The following SERPINB10 variants were observed in gnomAD, a reference collection of about 807,000 sequenced individuals.
SERPINB10 encodes the protein serpin B10.
Under a neutral mutation model 39.1 loss-of-function variants are expected in SERPINB10, and 35 were observed. That is an observed-to-expected ratio of 0.90 (90% confidence interval 0.68 to 1.19). The LOEUF (loss-of-function observed/expected upper bound fraction) is 1.19, where lower values mean the gene tolerates loss of function less well. Ranked by LOEUF, SERPINB10 falls within the 50% of genes most tolerant of loss-of-function variation. The probability of loss-of-function intolerance (pLI) is 0.00; values close to 1 mark genes in which losing one functional copy is unlikely to be tolerated. For missense variants in SERPINB10, 546 were observed against 460.5 expected (o/e 1.19, Z -1.70); for synonymous variants, 190 against 158.1 (o/e 1.20, Z -1.52).
intron 6 of SERPINB10, among the ~76,000 whole-genome samples, chr18:63,932,764 C>T (rs559696489): frequency 1.2e-3 from 179 of 152,242 alleles, no homozygotes; most frequent in Middle Eastern, 3.4e-3. Flanking sequence ...CCATAATTTA[C>T]ACAAGATCAT....
intron 1 of SERPINB10, among the ~76,000 whole-genome samples, chr18:63,912,918 T>C (rs375533365): frequency 6.6e-6 from 1 of 151,812 alleles, no homozygotes; most frequent in South Asian, 2.1e-4. Context: ...AGGGCGTTTT[T>C]TGGTTGGTAG....
intron 6 of SERPINB10, among the ~76,000 whole-genome samples, chr18:63,932,593 G>A (rs1242889208): frequency 6.6e-6 from 1 of 151,922 alleles, no homozygotes; most frequent in Non-Finnish European, 1.5e-5. Flanking sequence ...TTTATTATTT[G>A]TTGAGTTTTT....
At position 63,933,217 on chromosome 18, in the gene SERPINB10, G is replaced by GCC. The variant is rs771644022; in HGVS notation, c.789+14_789+15insCC. 5.0e-4 allele frequency: 805 copies of GCC among 1,613,758 alleles called. 13 individuals are homozygous for GCC. In the South Asian group the frequency reaches 8.5e-3, roughly 17 times the overall value. ...GGGCTGGAACAGGTAAATAACATCA[G>GCC]TGTGTCTGATGTGAGGGTGTTTCCA... On this transcript the variant is annotated intron_variant, in intron 7 of 7. Transcript: ENST00000238508.
intron 5 of SERPINB10, among the ~76,000 whole-genome samples, chr18:63,920,440 G>C (rs2050138582): frequency 6.6e-6 from 1 of 152,002 alleles, no homozygotes; most frequent in South Asian, 2.1e-4. Flanking sequence ...CTGGCTTAGA[G>C]AGAGCATTTT....
intron 6 of SERPINB10, 105 bp from the exon 7 acceptor site, chr18:63,932,943 C>T (rs2050233336): frequency 2.0e-6 from 2 of 1,001,828 alleles, no homozygotes; most frequent in South Asian, 1.6e-5. Context: ...AGAGAATCAG[C>T]AGTTTCACCA....
At chr18:63,920,111 G>A (rs909819331) in intron 5 of SERPINB10, among the ~76,000 whole-genome samples, 2 of 151,848 alleles carry the variant, frequency 1.3e-5, no homozygotes, top group African/African-American at 4.8e-5. Flanking sequence ...AGTAAGTCAG[G>A]CCATCACTTT....
At chr18:63,912,495 G>C (rs2050072085) in intron 1 of SERPINB10, among the ~76,000 whole-genome samples, 1 of 151,932 alleles carries the variant, frequency 6.6e-6, no homozygotes, top group Admixed American at 6.6e-5. Flanking sequence ...TATCATGAAT[G>C]GATATTGGAT....
chr18:63,933,145 A>G lies in SERPINB10; in HGVS notation c.731A>G (p.Lys244Arg). 1 of 1,614,074 alleles carries G rather than the reference A, an allele frequency of 6.2e-7. No homozygotes were observed. Among genetic ancestry groups the G allele is most frequent in the Non-Finnish European group, 8.5e-7 (1 of 1,179,958 alleles). The change falls in exon 7 of 8, where the codon AAA becomes AGA. Residue 244 changes from lysine to arginine, a missense_variant. By Grantham distance (26) the Lys-to-Arg change is conservative. Coordinates refer to ENST00000238508, the MANE Select transcript of SERPINB10 (RefSeq NM_005024.3). ...GCAGTGGGCCTTCAACTCTACTACA[A>G]AAGCCGTGACCTCAGCCTGCTTATA... ...PKAVGLQLYY[K>R]SRDLSLLILL... is the part of the protein sequence containing the mutation.
chr18:63,913,885 G>A (rs899666460), intron 1 of SERPINB10, among the ~76,000 whole-genome samples: 1 of 152,058 alleles, frequency 6.6e-6, no homozygotes, highest in African/African-American at 2.4e-5. Flanking sequence ...TTGTGTGTCT[G>A]TCTAAGTCTT....
chr18:63,922,509 T>G (rs1046250189), intron 5 of SERPINB10, among the ~76,000 whole-genome samples: 3 of 151,972 alleles, frequency 2.0e-5, no homozygotes, highest in Admixed American at 1.3e-4. Context: ...GCCTGGTGAC[T>G]GTTATGTTGT....
At position 63,935,031 on chromosome 18, in the gene SERPINB10, C is replaced by A; in HGVS notation, c.983C>A (p.Ala328Glu). Residue 328 changes from alanine (A) to glutamate (E), a missense_variant, in exon 8 of 8, where the codon GCA (alanine) becomes GAA (glutamate). Ala to Glu is a moderately radical substitution (Grantham distance 107). Transcript: ENST00000238508. ...SKADFSGMSS[A>E]RNLFLSNVFH... is the part of the protein sequence containing the mutation. ...GCTGATTTCTCAGGAATGTCTTCAG[C>A]AAGAAACCTATTTTTGTCCAATGTT... The A allele has an allele frequency of 6.2e-7, 1 of 1,614,158 alleles. No homozygotes were observed. The highest frequency in any genetic ancestry group is 8.5e-7 in the Non-Finnish European group (1 of 1,180,012).
intron 1 of SERPINB10, among the ~76,000 whole-genome samples, chr18:63,908,957 A>T (rs1004029862): frequency 1.3e-5 from 2 of 152,080 alleles, no homozygotes; most frequent in African/African-American, 4.8e-5. Context: ...CAGTCAAGAT[A>T]ACACAGTTGC....
chr18:63,930,456 T>C lies in SERPINB10; in HGVS notation c.633+269T>C, dbSNP rs141706541. Among the ~76,000 whole-genome samples, 1,134 of 152,052 alleles carry C rather than the reference T, an allele frequency of 7.5e-3. 15 individuals carry two copies. The highest frequency in any genetic ancestry group is 0.025 in the African/African-American group (1,043 of 41,492). On this transcript the variant is annotated intron_variant, in intron 6 of 7. Coordinates refer to ENST00000238508, the MANE Select transcript of SERPINB10 (RefSeq NM_005024.3). ...TCATATTTATTTCCTAGGTGAGAAA[T>C]ATAGTGTGGCCAAGTGACTGGAGGC...
chr18:63,930,075 CTG>C lies in SERPINB10; in HGVS notation c.524_525del (p.Val175GlyfsTer15). 6.2e-7 allele frequency: 1 copy of C among 1,613,490 alleles called. No individual in the cohort carries two copies. Among genetic ancestry groups the C allele is most frequent in the Non-Finnish European group, 8.5e-7 (1 of 1,179,670 alleles). ...ATCCAGAATCTCCTGCCTGATGACT[CTG>C]TGGATTCCACAACCAGGATGATTCT... On this transcript the variant is annotated frameshift_variant, in exon 6 of 8. Transcript: ENST00000238508. LOFTEE classifies it high-confidence loss of function.
Position 63,919,886 on chromosome 18 carries a change from G to T in SERPINB10, c.471G>T (p.Trp157Cys). Reference protein sequence around the residue: ...SDQIRKDINSWVERQTEGKIQ... With the variant: ...SDQIRKDINSCVERQTEGKIQ... The stretch of plus-strand genomic sequence containing the variant: ...AAATCAGAAAGGACATCAACTCTTG[G>T]GTTGAAAGACAGACCGAGGGTAAGC... Residue 157 changes from tryptophan (W) to cysteine (C), a missense_variant, in exon 5 of 8, where the codon TGG becomes TGT. Coordinates refer to ENST00000238508, the MANE Select transcript of SERPINB10 (RefSeq NM_005024.3). 6.2e-7 allele frequency: 1 copy of T among 1,608,232 alleles called. No individual in the cohort carries two copies. Among genetic ancestry groups the T allele is most frequent in the Non-Finnish European group, 8.5e-7 (1 of 1,176,510 alleles).
chr18:63,917,437 A>G lies in SERPINB10; in HGVS notation c.169-19A>G. ...ACTTCTCTGCAGTCTATTCATTTGT[A>G]TTTTTATTGAAATTACAGGTGCTTC... On this transcript the variant is annotated intron_variant, in intron 2 of 7. Transcript: ENST00000238508. 1 of 1,474,436 alleles carries G rather than the reference A, an allele frequency of 6.8e-7. No homozygotes were observed. Among genetic ancestry groups the G allele is most frequent in the Non-Finnish European group, 9.3e-7 (1 of 1,078,926 alleles). The allele number at this position is 1,474,436 out of a possible 1,614,324, so 91.3% of individuals were successfully genotyped here.
Position 63,918,038 on chromosome 18 carries a change from A to G in SERPINB10, c.308A>G (p.Asn103Ser), listed in dbSNP as rs765364852. The G allele has an allele frequency of 4.3e-6, 7 of 1,612,450 alleles. No homozygotes were observed. The highest frequency in any genetic ancestry group is 1.7e-5 in the Admixed American group (1 of 59,822). ...CTTATCTCAGAAATCCTCAAGCCCA[A>G]CGATGACTACTTACTTAAAACAGCC... ...QTLISEILKP[N>S]DDYLLKTANA... Residue 103 changes from asparagine (N) to serine (S), a missense_variant, in exon 4 of 8, where the codon AAC (asparagine) becomes AGC (serine). Transcript: ENST00000238508.
At chr18:63,917,815 C>A in intron 3 of SERPINB10, 150 bp from the exon 4 acceptor site, 1 of 702,104 alleles carries the variant, frequency 1.4e-6, no homozygotes, top group Admixed American at 2.9e-5. Context: ...TTCTTTTGCA[C>A]TAACACTAAA....
Position 63,935,423 on chromosome 18 carries a change from G to T in SERPINB10, c.*181G>T. The T allele has an allele frequency of 1.8e-6, 1 of 557,922 alleles. No homozygotes were observed. The highest frequency in any genetic ancestry group is 3.0e-6 in the Non-Finnish European group (1 of 337,556). 34.6% of individuals were successfully genotyped at this position (557,922 alleles called of 1,614,324 possible). A position where few individuals can be genotyped will look rare whatever the true frequency, so the allele number is the denominator to read the frequency against. ...ATCCTGTCATATCTGTACAGCTGGA[G>T]AGAATGACGATTTTTATTTTTAACA... On this transcript the variant is annotated 3_prime_UTR_variant, in exon 8 of 8. Coordinates refer to ENST00000238508, the MANE Select transcript of SERPINB10 (RefSeq NM_005024.3).
Sources: allele counts gnomAD v4.1 joint callset (sites outside exome capture counted in the v4.1 genomes callset), GRCh38; gene constraint gnomAD v4.1.1; transcripts MANE v1.5; gene names NCBI Gene and HGNC (gene_info 2026-07-23, HGNC 2026-07-21).